Variants in GABRR2 observed in about 807,000 individuals in gnomAD.
GABRR2 encodes gamma-aminobutyric acid type A receptor subunit rho2, also known as gamma-aminobutyric acid receptor subunit rho-2.
In GABRR2, 36 loss-of-function variants were observed where a neutral mutation model predicts 47.0. The observed-to-expected ratio is 0.77, with a 90% CI of 0.59 to 1.01. GABRR2 has a LOEUF of 1.01. Among genes scored for constraint, GABRR2 ranks in the 50% least tolerant of loss-of-function variants. The pLI is 0.00. For missense variants in GABRR2, 587 were observed against 594.6 expected (o/e 0.99, Z 0.13); for synonymous variants, 204 against 227.5 (o/e 0.90, Z 0.93).
rs1217528381 is a variant in GABRR2 at position 89,271,726 on chromosome 6, C to G, written c.221-4G>C. ...ACGCCCACCGGGATGGCAGGGCCTG[C>G]AGAAGAGCAGAGACAGCTGGTTAAG... On this transcript the variant is annotated splice_polypyrimidine_tract_variant and splice_region_variant and intron_variant, in intron 2 of 8. Coordinates refer to ENST00000402938, the MANE Select transcript of GABRR2 (RefSeq NM_002043.5). 1.2e-6 allele frequency: 2 copies of G among 1,610,396 alleles called. No individual in the cohort carries two copies. Among genetic ancestry groups the G allele is most frequent in the Non-Finnish European group, 1.7e-6 (2 of 1,178,346 alleles).
intron 6 of GABRR2, 148 bp downstream of exon 6, chr6:89,267,531 C>T (rs1256465966): frequency 2.6e-6 from 2 of 776,518 alleles, no homozygotes; most frequent in South Asian, 1.9e-5. Context: ...TTCGCCACTA[C>T]ACTCCAGCTT....
rs1443180507 is a variant in GABRR2 at position 89,269,076 on chromosome 6, A to G, written c.447T>C (p.His149=). ...FFVHSKRSFT[H]DTTTDNIMLR... is the part of the protein sequence containing the mutation. The stretch of plus-strand genomic sequence containing the variant: ...GCATGATGTTGTCAGTGGTGGTGTC[A>G]TGAGTGAACGATCTTTTGGAGTGAA... Residue 149 remains histidine (H), a synonymous_variant, in exon 4 of 9, where the codon CAT becomes CAC. Coordinates refer to ENST00000402938, the MANE Select transcript of GABRR2 (RefSeq NM_002043.5). 23 of 1,613,948 alleles carry G rather than the reference A, an allele frequency of 1.4e-5. No homozygotes were observed. The highest frequency in any genetic ancestry group is 1.9e-5 in the Non-Finnish European group (22 of 1,179,900).
At chr6:89,276,630 G>T (rs925637387) in intron 2 of GABRR2, among the ~76,000 whole-genome samples, 2 of 151,882 alleles carry the variant, frequency 1.3e-5, no homozygotes, top group African/African-American at 4.8e-5. Flanking sequence ...CACTACCATT[G>T]TCCTAAAGGT....
intron 3 of GABRR2, among the ~76,000 whole-genome samples, chr6:89,269,689 A>G (rs1447781503): frequency 6.6e-6 from 1 of 152,250 alleles, no homozygotes; most frequent in African/African-American, 2.4e-5. Context: ...AGATCCTTGA[A>G]GGAAAAATTG....
At chr6:89,258,060 C>T in intron 8 of GABRR2, 79 bp from the exon 9 acceptor site, 1 of 1,294,426 alleles carries the variant, frequency 7.7e-7, no homozygotes, top group Non-Finnish European at 1.1e-6. Flanking sequence ...AGAGCAAAGC[C>T]ACATTGCTAC....
chr6:89,294,835 C>G (rs1308328085), intron 2 of GABRR2, among the ~76,000 whole-genome samples: 2 of 142,528 alleles, frequency 1.4e-5, no homozygotes, highest in East Asian at 4.2e-4. Context: ...GTTCCCCTAC[C>G]TGTGTCCAAG....
In GABRR2 at chr6:89,292,763, G is replaced by C. The variant is rs1337309399; in HGVS notation, c.220+6996C>G. The stretch of plus-strand genomic sequence containing the variant: ...ATATAATCGTATATATCGTATATAC[G>C]ATATATCGTATATATCGTATATACG... On this transcript the variant is annotated intron_variant, in intron 2 of 8. Transcript: ENST00000402938. 4.8e-4 allele frequency among the ~76,000 whole-genome samples: 18 copies of C among 37,306 alleles called. 1 individual carries two copies. Among genetic ancestry groups the C allele is most frequent in the Admixed American group, 4.4e-3 (14 of 3,174 alleles). The allele number at this position is 37,306 out of a possible 152,430, so 24.5% of individuals were successfully genotyped here.
At chr6:89,264,685 C>A (rs1342619107) in intron 7 of GABRR2, 77 bp from the exon 8 acceptor site, 13 of 1,532,384 alleles carry the variant, frequency 8.5e-6, no homozygotes, top group Non-Finnish European at 1.2e-5. Flanking sequence ...CACGATTTTA[C>A]ACTCTCTATC....
Position 89,257,802 on chromosome 6 carries a change from CT to C in GABRR2, c.1265del (p.Lys422ArgfsTer5), listed in dbSNP as rs751770280. On this transcript the variant is annotated frameshift_variant, in exon 9 of 9. Coordinates refer to ENST00000402938, the MANE Select transcript of GABRR2 (RefSeq NM_002043.5). LOFTEE classifies it high-confidence loss of function. ...CCGTCTGGCCCTTCAGAAGCCCCTT[CT>C]TTCTGGCAGCGTTGGCTTCACCACT... is the stretch of plus-strand genomic sequence containing the variant. Reference protein sequence around the residue: ...GLSGEANAARKKGLLKGQTGF... With the variant: ...GLSGEANAARXKGLLKGQTGF... The C allele has an allele frequency of 6.2e-7, 1 of 1,614,078 alleles. No homozygotes were observed. The highest frequency in any genetic ancestry group is 8.5e-7 in the Non-Finnish European group (1 of 1,179,900).
At chr6:89,303,071 T>G (rs1013614114) in intron 1 of GABRR2, 2 of 845,448 alleles carry the variant, frequency 2.4e-6, no homozygotes, top group African/African-American at 3.5e-5. Flanking sequence ...GGTGAGATGT[T>G]CGCAGATGAG....
intron 2 of GABRR2, among the ~76,000 whole-genome samples, chr6:89,296,478 G>C (rs564216441): frequency 2.0e-5 from 3 of 152,368 alleles, no homozygotes; most frequent in Admixed American, 6.5e-5. Context: ...CTGCCATGGG[G>C]AGGAGGCTTG....
intron 1 of GABRR2, among the ~76,000 whole-genome samples, chr6:89,306,451 GT>G (rs1767560977): frequency 6.6e-6 from 1 of 152,174 alleles, no homozygotes; most frequent in South Asian, 2.1e-4. Flanking sequence ...TTAAATGCTG[GT>G]TTTATCTTTG....
chr6:89,287,845 G>A (rs764772983), intron 2 of GABRR2, among the ~76,000 whole-genome samples: 2 of 152,202 alleles, frequency 1.3e-5, no homozygotes, highest in Non-Finnish European at 2.9e-5. Context: ...TATATGCCAT[G>A]TACTGTGCTA....
intron 8 of GABRR2, among the ~76,000 whole-genome samples, chr6:89,262,463 A>G (rs1028016235): frequency 1.3e-5 from 2 of 152,224 alleles, no homozygotes; most frequent in African/African-American, 2.4e-5. Flanking sequence ...CCAGGTCTTT[A>G]CAGGAGGCTG....
At chr6:89,302,764 A>G (rs867875574) in intron 1 of GABRR2, 1 of 1,444,464 alleles carries the variant, frequency 6.9e-7, no homozygotes. Context: ...CTGTCCATCC[A>G]GAGCAAGAAC....
rs1773642412 is a variant in GABRR2, at chr6:89,257,882, G to A, written c.1186C>T (p.His396Tyr). The A allele has an allele frequency of 1.2e-6, 2 of 1,613,812 alleles. No individual in the cohort carries two copies. Among genetic ancestry groups the A allele is most frequent in the Non-Finnish European group, 1.7e-6 (2 of 1,179,906 alleles). ...ANSLAGYPRS[H>Y]ILTEEERQDK... ...TGCCTTTCTTCTTCTGTCAGGATATGGCTTCTGGGGTACCCAGCCAGGCTG... is the reference window on the plus strand; with the variant it reads ...TGCCTTTCTTCTTCTGTCAGGATATAGCTTCTGGGGTACCCAGCCAGGCTG... The change falls in exon 9 of 9, where the codon CAT (histidine) becomes TAT (tyrosine). Residue 396 changes from histidine to tyrosine, a missense_variant. By Grantham distance (83) the His-to-Tyr change is moderately conservative. Transcript: ENST00000402938.
At chr6:89,288,277 CAAA>C (rs145667616) in intron 2 of GABRR2, among the ~76,000 whole-genome samples, 12 of 148,178 alleles carry the variant, frequency 8.1e-5, no homozygotes, top group Non-Finnish European at 1.2e-4. Flanking sequence ...GGGGCAAAGA[CAAA>C]AAAAAGGAGG....
chr6:89,301,789 G>T, intron 1 of GABRR2: 1 of 804,074 alleles, frequency 1.2e-6, no homozygotes, highest in Non-Finnish European at 2.2e-6. Flanking sequence ...CAGTATGAGG[G>T]AGATCCTGCA....
At chr6:89,312,521 G>C (rs1767697844) in intron 1 of GABRR2, among the ~76,000 whole-genome samples, 1 of 152,240 alleles carries the variant, frequency 6.6e-6, no homozygotes, top group African/African-American at 2.4e-5. Context: ...TGCGGTATGT[G>C]TGTGAGTGTG....
Sources: allele counts gnomAD v4.1 joint callset (sites outside exome capture counted in the v4.1 genomes callset), GRCh38; gene constraint gnomAD v4.1.1; transcripts MANE v1.5; gene names NCBI Gene and HGNC (gene_info 2026-07-23, HGNC 2026-07-21).